Variants in GSE1 observed in about 807,000 individuals in gnomAD.
GSE1 encodes Gse1 coiled-coil protein, also known as genetic suppressor element 1.
GSE1 carries 32 observed loss-of-function variants against 112.6 expected under a neutral mutation model. The observed-to-expected ratio is 0.28, with a 90% CI of 0.21 to 0.38. The LOEUF (loss-of-function observed/expected upper bound fraction) is 0.38. GSE1 is among the 10% of genes least tolerant of loss of function. GSE1 has a pLI of 1.00. For synonymous variants in GSE1, 1,115 were observed against 735.6 expected, an observed-to-expected ratio of 1.52 and a Z score of -8.35; for missense variants, 2,348 against 1,699.2, an observed-to-expected ratio of 1.38 and a Z score of -6.71.
chr16:85,464,599 C>T (rs532622417), intron 2 of GSE1, among the ~76,000 whole-genome samples: 6 of 152,290 alleles, frequency 3.9e-5, no homozygotes, highest in South Asian at 2.1e-4. Context: ...ATGGTCATGC[C>T]GGTTGCACAG....
At chr16:85,633,582 CAG>C (rs1221510403) in intron 1 of GSE1, among the ~76,000 whole-genome samples, 5 of 152,306 alleles carry the variant, frequency 3.3e-5, no homozygotes, top group Middle Eastern at 3.4e-3. Context: ...ATTTGATGGT[CAG>C]GGGCCTGTTG....
chr16:85,657,212 G>T (rs550384929), intron 7 of GSE1, 65 bp from the exon 8 acceptor site: 3 of 1,138,276 alleles, frequency 2.6e-6, no homozygotes, highest in Admixed American at 4.9e-5. Context: ...GGGTGAGAGA[G>T]GACGGGGAGG....
Position 85,656,403 on chromosome 16 carries a change from G to GGCTGACCGCGAGCGGGAGAAGGAA in GSE1, c.1050_1051insGCTGACCGCGAGCGGGAGAAGGAA (p.Glu350_Arg351insAlaAspArgGluArgGluLysGlu), listed in dbSNP as rs1321930873. 2 of 1,584,506 alleles carry GGCTGACCGCGAGCGGGAGAAGGAA rather than the reference G, an allele frequency of 1.3e-6. No homozygotes were observed. The highest frequency in any genetic ancestry group is 2.8e-5 in the African/African-American group (2 of 72,420). On this transcript the variant is annotated inframe_insertion, in exon 7 of 16. Coordinates refer to ENST00000253458, the MANE Select transcript of GSE1 (RefSeq NM_014615.5). ...AGCGCGAGCGCGAGCGCGAGCGTGA[G>GGCTGACCGCGAGCGGGAGAAGGAA]CGTGAGGCTGACCGCGAGCGGGAGA...
intron 2 of GSE1, among the ~76,000 whole-genome samples, chr16:85,492,316 T>A (rs1021902598): frequency 1.3e-5 from 2 of 152,064 alleles, no homozygotes; most frequent in Non-Finnish European, 2.9e-5. Flanking sequence ...GTTCGGGGAC[T>A]CAGATTCTGT....
chr16:85,614,271 A>AC (rs2048220192), intron 1 of GSE1, among the ~76,000 whole-genome samples: 1 of 151,998 alleles, frequency 6.6e-6, no homozygotes, highest in South Asian at 2.1e-4. Context: ...GAGTGGCCCG[A>AC]CCGAGTGGAG....
Position 85,665,269 on chromosome 16 carries a change from C to T in GSE1, c.2758+141C>T, listed in dbSNP as rs16975777. On this transcript the variant is annotated intron_variant, in intron 12 of 15. Transcript: ENST00000253458. ...CTTCTTCCATTCTTGTACCAGCGTA[C>T]GATTCTTGCACAGTTGTGACAGTCA... is the stretch of plus-strand genomic sequence containing the variant. 11,416 of 612,536 alleles carry T rather than the reference C, an allele frequency of 0.019. 1,018 individuals carry two copies. The African/African-American group carries it at 0.19, about 10-fold the overall frequency. The allele number at this position is 612,536 out of a possible 1,614,324, so 37.9% of individuals were successfully genotyped here. A position where few individuals can be genotyped will look rare whatever the true frequency, so the allele number is the denominator to read the frequency against.
At chr16:85,621,990 C>G (rs1017713410) in intron 1 of GSE1, among the ~76,000 whole-genome samples, 1 of 152,208 alleles carries the variant, frequency 6.6e-6, no homozygotes, top group East Asian at 1.9e-4. Flanking sequence ...TCCCAACAGC[C>G]AGGTCTGCAC....
intron 1 of GSE1, among the ~76,000 whole-genome samples, chr16:85,249,525 C>T (rs1906224462): frequency 6.6e-6 from 1 of 152,198 alleles, no homozygotes; most frequent in African/African-American, 2.4e-5. Flanking sequence ...GCGCGCCTCT[C>T]TCCAAAGGCT....
At chr16:85,556,442 C>G (rs920588887) in intron 1 of GSE1, 5 of 603,712 alleles carry the variant, frequency 8.3e-6, no homozygotes, top group Non-Finnish European at 1.0e-5. Flanking sequence ...CCCCCCTCCG[C>G]CAGACCCCCG....
At chr16:85,479,834 G>A (rs756515898) in intron 2 of GSE1, among the ~76,000 whole-genome samples, 2 of 152,164 alleles carry the variant, frequency 1.3e-5, no homozygotes, top group Admixed American at 1.3e-4. Context: ...CAGTGGGGCT[G>A]TCATAATTCC....
At chr16:85,423,718 G>A (rs987553369) in intron 2 of GSE1, among the ~76,000 whole-genome samples, 9 of 130,776 alleles carry the variant, frequency 6.9e-5, no homozygotes, top group Non-Finnish European at 9.1e-5. Context: ...TGGCAAGCGT[G>A]TATCCCTCTC....
chr16:85,280,101 G>A (rs2044813156), intron 1 of GSE1, among the ~76,000 whole-genome samples: 1 of 152,214 alleles, frequency 6.6e-6, no homozygotes, highest in African/African-American at 2.4e-5. Context: ...AAGGTCTGCA[G>A]CACTCTCTCC....
intron 1 of GSE1, among the ~76,000 whole-genome samples, chr16:85,212,292 G>C (rs1354768050): frequency 1.3e-5 from 2 of 152,184 alleles, no homozygotes; most frequent in Admixed American, 6.5e-5. Context: ...TGTTATCCCA[G>C]CTACTTGGGA....
At chr16:85,450,478 C>T (rs537441461) in intron 2 of GSE1, among the ~76,000 whole-genome samples, 19 of 150,406 alleles carry the variant, frequency 1.3e-4, no homozygotes, top group Non-Finnish European at 2.2e-4. Context: ...GAGACAGAGT[C>T]GCACTCTGTC....
At chr16:85,514,456 G>T (rs1448340108) in intron 2 of GSE1, among the ~76,000 whole-genome samples, 3 of 145,394 alleles carry the variant, frequency 2.1e-5, no homozygotes, top group African/African-American at 7.6e-5. Context: ...CAGCTCCTGG[G>T]GCATCCTTGG....
intron 1 of GSE1, among the ~76,000 whole-genome samples, chr16:85,600,246 C>A (rs1263239029): frequency 6.6e-6 from 1 of 152,188 alleles, no homozygotes; most frequent in Non-Finnish European, 1.5e-5. Context: ...CCCAAGGTCA[C>A]AAAGCAGTTT....
At chr16:85,304,601 C>CGGGGGGGGGGGGG (rs1290541396) in intron 1 of GSE1, among the ~76,000 whole-genome samples, 1 of 78,174 alleles carries the variant, frequency 1.3e-5, no homozygotes, top group African/African-American at 4.5e-5. Context: ...AAGCCGGGGG[C>CGGGGGGGGGGGGG]GGGGGGGTGG....
At position 85,627,022 on chromosome 16, in the gene GSE1, C is replaced by CT. The variant is rs558365216; in HGVS notation, c.8-6889dup. Among the ~76,000 whole-genome samples the CT allele has an allele frequency of 4.9e-5, 4 of 82,124 alleles. No homozygotes were observed. The South Asian group carries it at 1.7e-3, about 36-fold the overall frequency. 53.9% of individuals were successfully genotyped at this position (82,124 alleles called of 152,430 possible). On this transcript the variant is annotated intron_variant, in intron 1 of 15. Coordinates refer to ENST00000253458, the MANE Select transcript of GSE1 (RefSeq NM_014615.5). ...CCAGCCTTGTCCCTCTCCACTGGGA[C>CT]TTTGCTTCCTTTTCTTCTTGCCTTT...
intron 1 of GSE1, among the ~76,000 whole-genome samples, chr16:85,187,941 C>T (rs2074741072): frequency 1.3e-5 from 2 of 152,366 alleles, no homozygotes; most frequent in Non-Finnish European, 1.5e-5. Context: ...TCAGGATAAC[C>T]CTTCCCTTCC....
Sources: gnomAD v4.1 joint callset for allele counts (sites outside exome capture counted in the v4.1 genomes callset) on GRCh38, gnomAD v4.1.1 for gene constraint, MANE v1.5 for transcripts, NCBI Gene and HGNC (gene_info 2026-07-23, HGNC 2026-07-21) for gene names.